The following GTF2A1 variants were observed in gnomAD, a reference collection of about 807,000 sequenced individuals.
The protein encoded by GTF2A1 is transcription initiation factor IIA subunit 1.
GTF2A1 carries 12 observed loss-of-function variants against 54.1 expected under a neutral mutation model. The ratio of observed to expected loss-of-function variants is 0.22; its 90% confidence interval spans 0.14 to 0.36. The LOEUF (loss-of-function observed/expected upper bound fraction) is 0.36. Ranked by LOEUF, GTF2A1 falls within the 10% of genes least tolerant of loss-of-function variation. The pLI is 1.00. For synonymous variants in GTF2A1, 145 were observed against 152.0 expected (o/e 0.95, Z 0.34); for missense variants, 335 against 442.2 (o/e 0.76, Z 2.17).
In GTF2A1 at chr14:81,177,386, T is replaced by C. The variant is rs1424452656; in HGVS notation, c.*2837A>G. 2 of 152,208 alleles carry C rather than the reference T, an allele frequency of 1.3e-5. No individual in the cohort carries two copies. Among genetic ancestry groups the C allele is most frequent in the East Asian group, 1.9e-4 (1 of 5,206 alleles). The allele number at this position is 152,208 out of a possible 1,614,324, so 9.4% of individuals were successfully genotyped here. A position where few individuals can be genotyped will look rare whatever the true frequency, so the allele number is the denominator to read the frequency against. On this transcript the variant is annotated 3_prime_UTR_variant, in exon 9 of 9. Transcript: ENST00000553612. ...ACATTAAAGAGTTGTTTTAGCCATA[T>C]GTGGCACTCCACAGAAATTAAACAT...
chr14:81,220,698 G>A lies in GTF2A1; in HGVS notation c.-180C>T. ...GAGAGCGGAGAGAGGAGGAGGAGGG[G>A]GGCACTCCTCCCGCAGCTGAAAACC... On this transcript the variant is annotated 5_prime_UTR_variant, in exon 1 of 9. Coordinates refer to ENST00000553612, the MANE Select transcript of GTF2A1 (RefSeq NM_015859.4). 14 of 389,890 alleles carry A rather than the reference G, an allele frequency of 3.6e-5. No homozygotes were observed. The highest frequency in any genetic ancestry group is 6.3e-5 in the Non-Finnish European group (14 of 221,000). 24.2% of individuals were successfully genotyped at this position (389,890 alleles called of 1,614,324 possible).
intron 6 of GTF2A1, among the ~76,000 whole-genome samples, chr14:81,194,719 T>C (rs970673536): frequency 1.4e-4 from 22 of 152,250 alleles, no homozygotes; most frequent in African/African-American, 5.3e-4. Flanking sequence ...AGAAAATAAC[T>C]GGGAGCATGG....
chr14:81,215,523 A>T (rs1893469246), intron 2 of GTF2A1, among the ~76,000 whole-genome samples: 1 of 152,242 alleles, frequency 6.6e-6, no homozygotes, highest in Non-Finnish European at 1.5e-5. Flanking sequence ...TTCATGAGTC[A>T]TTACAATGCA....
chr14:81,183,255 T>C (rs1019941542), intron 8 of GTF2A1, among the ~76,000 whole-genome samples: 7 of 152,160 alleles, frequency 4.6e-5, no homozygotes, highest in African/African-American at 1.4e-4. Flanking sequence ...TATCTTTGAA[T>C]TCCTATAAAG....
At chr14:81,203,116 G>C (rs1405454553) in intron 3 of GTF2A1, among the ~76,000 whole-genome samples, 2 of 152,204 alleles carry the variant, frequency 1.3e-5, no homozygotes, top group African/African-American at 2.4e-5. Context: ...TTTGTCATGA[G>C]AGAAAATACA....
chr14:81,208,575 C>T (rs1196251456), intron 2 of GTF2A1, among the ~76,000 whole-genome samples: 1 of 152,208 alleles, frequency 6.6e-6, no homozygotes, highest in East Asian at 1.9e-4. Flanking sequence ...TCCTCTAGAT[C>T]TCAGAATGGC....
At chr14:81,213,581 C>A (rs1238471266) in intron 2 of GTF2A1, among the ~76,000 whole-genome samples, 1 of 152,162 alleles carries the variant, frequency 6.6e-6, no homozygotes, top group East Asian at 1.9e-4. Context: ...GCAAAAAACT[C>A]ATTCCACGTT....
At chr14:81,220,330 C>G (rs1039645058) in intron 1 of GTF2A1, among the ~76,000 whole-genome samples, 159 bp downstream of exon 1, 1 of 145,446 alleles carries the variant, frequency 6.9e-6, no homozygotes, top group Non-Finnish European at 1.5e-5. Flanking sequence ...GCCCGGCGCT[C>G]CGGCCCGATC....
intron 7 of GTF2A1, among the ~76,000 whole-genome samples, chr14:81,191,879 AC>A (rs1595212975): frequency 6.6e-6 from 1 of 152,210 alleles, no homozygotes; most frequent in Non-Finnish European, 1.5e-5. Flanking sequence ...AGAACTTTGT[AC>A]TAAGAAACAA....
intron 8 of GTF2A1, among the ~76,000 whole-genome samples, chr14:81,185,291 A>G (rs1316951254): frequency 3.3e-5 from 5 of 152,222 alleles, no homozygotes; most frequent in African/African-American, 1.2e-4. Context: ...CTAAATAGAA[A>G]AAGAAGATCG....
At chr14:81,200,624 CT>C (rs1300104540) in intron 4 of GTF2A1, among the ~76,000 whole-genome samples, 1 of 138,818 alleles carries the variant, frequency 7.2e-6, no homozygotes, top group Non-Finnish European at 1.5e-5. Flanking sequence ...AAGACTCCAT[CT>C]TCAAAAAAAA....
chr14:81,198,713 C>T (rs908318934), intron 4 of GTF2A1, among the ~76,000 whole-genome samples: 3 of 152,142 alleles, frequency 2.0e-5, no homozygotes. Flanking sequence ...ACCATTCATA[C>T]ATTCAATCTA....
At chr14:81,188,128 T>C (rs937386659) in intron 7 of GTF2A1, among the ~76,000 whole-genome samples, 5 of 152,246 alleles carry the variant, frequency 3.3e-5, no homozygotes, top group African/African-American at 1.2e-4. Flanking sequence ...TGTATCTTCT[T>C]TGGAGAAATG....
chr14:81,192,706 T>C lies in GTF2A1; in HGVS notation c.746A>G (p.Gln249Arg), dbSNP rs199532026. ...TTGCTGCTGGCCAGTTGCAGTTATC[T>C]GTGCTTGGGCTGGTGTAGGTGCTGC... is the stretch of plus-strand genomic sequence containing the variant. ...TVAAPTPAQA[Q>R]ITATGQQQPQ... The change falls in exon 7 of 9, where the codon CAG becomes CGG. Residue 249 changes from glutamine to arginine, a missense_variant. Physicochemically the swap from Gln to Arg is conservative, Grantham distance 43. Around this residue, in one of 2 missense-constraint regions of GTF2A1, gnomAD observed 306 missense variants for 360.4 expected, o/e 0.85. Transcript: ENST00000553612. The C allele has an allele frequency of 7.4e-6, 12 of 1,614,100 alleles. No homozygotes were observed. Among genetic ancestry groups the C allele is most frequent in the African/African-American group, 1.3e-5 (1 of 74,952 alleles).
chr14:81,180,386 C>T, intron 8 of GTF2A1, 56 bp from the exon 9 acceptor site: 1 of 801,626 alleles, frequency 1.2e-6, no homozygotes, highest in Admixed American at 2.0e-5. Flanking sequence ...ACAGAGAAAA[C>T]AAGTAACAAA....
chr14:81,205,322 T>C (rs968013524), intron 2 of GTF2A1, among the ~76,000 whole-genome samples: 1 of 152,168 alleles, frequency 6.6e-6, no homozygotes, highest in Non-Finnish European at 1.5e-5. Flanking sequence ...ATTCTAGATT[T>C]GTTGTCATGA....
intron 1 of GTF2A1, among the ~76,000 whole-genome samples, chr14:81,219,934 T>C (rs1161280594): frequency 1.3e-5 from 2 of 152,208 alleles, no homozygotes; most frequent in South Asian, 2.1e-4. Context: ...TCGTCCTTTT[T>C]TTAAACATAA....
intron 4 of GTF2A1, 44 bp downstream of exon 4, chr14:81,201,550 A>G (rs1408237689): frequency 1.8e-6 from 2 of 1,128,670 alleles, no homozygotes; most frequent in Non-Finnish European, 2.7e-6. Context: ...AATGTGGGTT[A>G]GAATTAAGTA....
intron 7 of GTF2A1, among the ~76,000 whole-genome samples, chr14:81,192,043 G>A (rs990075035): frequency 2.0e-5 from 3 of 152,144 alleles, no homozygotes; most frequent in Non-Finnish European, 4.4e-5. Context: ...AGGGTACATA[G>A]GTTTTTAAGG....
Sources: gnomAD v4.1 joint callset for allele counts (sites outside exome capture counted in the v4.1 genomes callset) on GRCh38, gnomAD v4.1.1 for gene constraint, gnomAD v4.1.1 regional missense constraint, MANE v1.5 for transcripts, NCBI Gene and HGNC (gene_info 2026-07-23, HGNC 2026-07-21) for gene names.